The following ZNF445 variants were observed in gnomAD, a reference collection of about 807,000 sequenced individuals.
The protein encoded by ZNF445 is zinc finger protein 445.
A neutral mutation model predicts 93.9 loss-of-function variants in ZNF445; 19 were observed. The ratio of observed to expected loss-of-function variants is 0.20; its 90% confidence interval spans 0.14 to 0.30. The LOEUF is 0.30. Ranked by LOEUF, ZNF445 falls within the 10% of genes least tolerant of loss-of-function variation. ZNF445 has a pLI of 1.00. For missense variants in ZNF445, 1,058 were observed against 1,259.4 expected (o/e 0.84, Z 2.42); for synonymous variants, 449 against 446.3 (o/e 1.01, Z -0.08).
chr3:44,447,747 G>A lies in ZNF445; in HGVS notation c.1924C>T (p.Arg642Cys), dbSNP rs1052563515. Residue 642 changes from arginine (R) to cysteine (C), a missense_variant, in exon 8 of 8, where the codon CGT (arginine) becomes TGT (cysteine). Coordinates refer to ENST00000396077, the MANE Select transcript of ZNF445 (RefSeq NM_181489.6). This position sits in a 1 kb window ranked among gnomAD's most constrained non-coding sequence, Gnocchi z 4.7. ...TCCTCCTCATGCAACCTCATATGACGAGTAAAGTTTGATCTCCATCTAAAG... is the reference window on the plus strand; with the variant it reads ...TCCTCCTCATGCAACCTCATATGACAAGTAAAGTTTGATCTCCATCTAAAG... ...KTFRWRSNFT[R>C]HMRLHEEEKF... 4 of 1,614,144 alleles carry A rather than the reference G, an allele frequency of 2.5e-6. No homozygotes were observed. Among genetic ancestry groups the A allele is most frequent in the Non-Finnish European group, 3.4e-6 (4 of 1,180,042 alleles).
intron 1 of ZNF445, among the ~76,000 whole-genome samples, chr3:44,462,687 A>T (rs1348288313): frequency 6.6e-6 from 1 of 152,130 alleles, no homozygotes; most frequent in Non-Finnish European, 1.5e-5. Flanking sequence ...AAAAAAGAAA[A>T]AAAAAAGAAA....
chr3:44,455,300 G>A lies in ZNF445; in HGVS notation c.250C>T (p.Leu84=), dbSNP rs528472951. 5 of 1,614,120 alleles carry A rather than the reference G, an allele frequency of 3.1e-6. No individual in the cohort carries two copies. The African/African-American group carries it at 5.3e-5, about 17-fold the overall frequency. ...SRLRELCRWW[L]RPDVLSKAQI... ...GCCTTGGAGAGAACGTCAGGCCTCA[G>A]CCACCAGCGACAGAGTTCCCGGAGC... Residue 84 remains leucine (L), a synonymous_variant, in exon 3 of 8, where the codon CTG becomes TTG. Transcript: ENST00000396077.
intron 2 of ZNF445, among the ~76,000 whole-genome samples, chr3:44,456,672 T>C (rs1436631539): frequency 6.6e-6 from 1 of 152,202 alleles, no homozygotes; most frequent in Admixed American, 6.5e-5. Context: ...TATTATAATA[T>C]TTTAAAATAT....
Position 44,436,833 on chromosome 3 carries a change from TCTG to T in ZNF445, c.*9739_*9741del, listed in dbSNP as rs958917619. 10 of 152,212 alleles carry T rather than the reference TCTG, an allele frequency of 6.6e-5. No homozygotes were observed. The highest frequency in any genetic ancestry group is 1.5e-5 in the Non-Finnish European group (1 of 68,046). 9.4% of individuals were successfully genotyped at this position (152,212 alleles called of 1,614,324 possible). On this transcript the variant is annotated 3_prime_UTR_variant, in exon 8 of 8. Transcript: ENST00000396077. ...AAGTTAAAACAATGAACCACAAATC[TCTG>T]CTTAATTATCCCATATCGAATAATT...
chr3:44,456,675 T>A lies in ZNF445; in HGVS notation c.-147-979A>T, dbSNP rs553575380. Among the ~76,000 whole-genome samples, 8 of 152,300 alleles carry A rather than the reference T, an allele frequency of 5.3e-5. No homozygotes were observed. In the South Asian group the frequency reaches 1.5e-3, roughly 28 times the overall value. On this transcript the variant is annotated intron_variant, in intron 2 of 7. Transcript: ENST00000396077. ...ATGTGATTTTGCTATTATAATATTT[T>A]AAAATATCTCAAATGAGCAATTCAA...
Position 44,444,238 on chromosome 3 carries a change from G to A in ZNF445, c.*2337C>T, listed in dbSNP as rs1697850880. On this transcript the variant is annotated 3_prime_UTR_variant, in exon 8 of 8. Coordinates refer to ENST00000396077, the MANE Select transcript of ZNF445 (RefSeq NM_181489.6). ...AGATGGGGGGAAAGGGGTGCTAAAAGTTTGATTGGAAAGGGACTTTTCCAT... is the reference window on the plus strand; with the variant it reads ...AGATGGGGGGAAAGGGGTGCTAAAAATTTGATTGGAAAGGGACTTTTCCAT... 6.6e-6 allele frequency: 1 copy of A among 152,250 alleles called. No individual in the cohort carries two copies. The highest frequency in any genetic ancestry group is 2.1e-4 in the South Asian group (1 of 4,830). 9.4% of individuals were successfully genotyped at this position (152,250 alleles called of 1,614,324 possible). A position where few individuals can be genotyped will look rare whatever the true frequency, so the allele number is the denominator to read the frequency against.
chr3:44,472,074 G>A (rs1698277337), intron 1 of ZNF445, among the ~76,000 whole-genome samples: 1 of 152,100 alleles, frequency 6.6e-6, no homozygotes, highest in African/African-American at 2.4e-5. Context: ...GGCCAAACTT[G>A]CAGAACAGAC....
rs770825316 is a variant in ZNF445 at position 44,448,191 on chromosome 3, A to AAGT, written c.1477_1479dup (p.Thr493dup). 6.2e-7 allele frequency: 1 copy of AAGT among 1,614,134 alleles called. No individual in the cohort carries two copies. Among genetic ancestry groups the AAGT allele is most frequent in the East Asian group, 2.2e-5 (1 of 44,880 alleles). On this transcript the variant is annotated inframe_insertion, in exon 8 of 8. Coordinates refer to ENST00000396077, the MANE Select transcript of ZNF445 (RefSeq NM_181489.6). ...TACGCAAGATGGGAGCTATGACTGA[A>AAGT]AGTCCTTCCACAGTCACTGCACTTA...
chr3:44,469,489 C>T (rs1370547025), intron 1 of ZNF445, among the ~76,000 whole-genome samples: 1 of 152,150 alleles, frequency 6.6e-6, no homozygotes, highest in Non-Finnish European at 1.5e-5. Context: ...ACAAAGGAGG[C>T]CTGGCATGGT....
rs1697910035 is a variant in ZNF445, at chr3:44,448,422, A to G, written c.1249T>C (p.Cys417Arg). ...GAACTCATTCTGAAGTGTTTGCCAC[A>G]GCCATGTTTAAGGGATTCCTTTCTT... Reference protein sequence around the residue: ...SGRKESLKHGCGKHFRMSSHH... With the variant: ...SGRKESLKHGRGKHFRMSSHH... Residue 417 changes from cysteine (C) to arginine (R), a missense_variant, in exon 8 of 8, where the codon TGT becomes CGT. By Grantham distance (180) the Cys-to-Arg change is radical (BLOSUM62 -3). Transcript: ENST00000396077. 1 of 1,614,184 alleles carries G rather than the reference A, an allele frequency of 6.2e-7. No individual in the cohort carries two copies. Among genetic ancestry groups the G allele is most frequent in the African/African-American group, 1.3e-5 (1 of 75,062 alleles).
At chr3:44,468,045 T>C (rs1698217020) in intron 1 of ZNF445, among the ~76,000 whole-genome samples, 1 of 152,352 alleles carries the variant, frequency 6.6e-6, no homozygotes, top group South Asian at 2.1e-4. Context: ...ATGAAAATAC[T>C]AATGTTCTAG....
intron 1 of ZNF445, among the ~76,000 whole-genome samples, chr3:44,465,190 G>A (rs1481634657): frequency 6.6e-6 from 1 of 152,122 alleles, no homozygotes; most frequent in Admixed American, 6.6e-5. Context: ...CATACAAGGT[G>A]TGTAGGAAAT....
chr3:44,455,643 A>G lies in ZNF445; in HGVS notation c.-94T>C. The G allele has an allele frequency of 8.2e-6, 10 of 1,223,138 alleles. No homozygotes were observed. The highest frequency in any genetic ancestry group is 1.1e-5 in the Non-Finnish European group (10 of 891,332). The allele number at this position is 1,223,138 out of a possible 1,614,324, so 75.8% of individuals were successfully genotyped here. A position where few individuals can be genotyped will look rare whatever the true frequency, so the allele number is the denominator to read the frequency against. On this transcript the variant is annotated 5_prime_UTR_variant, in exon 3 of 8. Transcript: ENST00000396077. The stretch of plus-strand genomic sequence containing the variant: ...ATCTTCTCAGCAGTCAACAATGCCA[A>G]CATTTGCTGGGACATCAGAAGTCAT...
In ZNF445 at chr3:44,449,608, T is replaced by G. The variant is rs757461826; in HGVS notation, c.836A>C (p.Lys279Thr). ...NMASLVGPFT[K>T]PALISWLEAR... ...TTCCAACCAGGAGATCAGAGCAGGT[T>G]TGGTGAATGGTCCCACTGCAGAAGA... is the stretch of plus-strand genomic sequence containing the variant. The change falls in exon 7 of 8, where the codon AAA (lysine) becomes ACA (threonine). Residue 279 changes from lysine to threonine, a missense_variant. By Grantham distance (78) the Lys-to-Thr change is moderately conservative. This residue lies in a region of ZNF445 where 657 missense variants were observed against 746.4 expected (regional missense o/e 0.88). Transcript: ENST00000396077. 3.7e-6 allele frequency: 6 copies of G among 1,614,004 alleles called. No individual in the cohort carries two copies. Among genetic ancestry groups the G allele is most frequent in the South Asian group, 2.2e-5 (2 of 91,076 alleles).
intron 6 of ZNF445, 32 bp from the exon 7 acceptor site, chr3:44,449,655 G>C: frequency 6.4e-7 from 1 of 1,552,912 alleles, no homozygotes; most frequent in South Asian, 1.1e-5. Context: ...CATGAGAAGG[G>C]AGATGGATGA....
chr3:44,464,463 T>C (rs1183410332), intron 1 of ZNF445, among the ~76,000 whole-genome samples: 1 of 152,222 alleles, frequency 6.6e-6, no homozygotes, highest in Non-Finnish European at 1.5e-5. Context: ...AAAGTAAACG[T>C]TTAAATCAAA....
chr3:44,464,723 T>C (rs970125908), intron 1 of ZNF445, among the ~76,000 whole-genome samples: 121 of 152,306 alleles, frequency 7.9e-4, no homozygotes, highest in African/African-American at 2.9e-3. Context: ...TGGAGAGCCA[T>C]GCCCGTTGGC....
rs745836886 is a variant in ZNF445, at chr3:44,445,579, C to G, written c.*996G>C. 1 of 152,476 alleles carries G rather than the reference C, an allele frequency of 6.6e-6. No individual in the cohort carries two copies. Among genetic ancestry groups the G allele is most frequent in the Non-Finnish European group, 1.5e-5 (1 of 68,240 alleles). 9.4% of individuals were successfully genotyped at this position (152,476 alleles called of 1,614,324 possible). A position where few individuals can be genotyped will look rare whatever the true frequency, so the allele number is the denominator to read the frequency against. The stretch of plus-strand genomic sequence containing the variant: ...GAGGACACCAGTCAAGACCCAATCT[C>G]CTCTGCCTGCAACTCTCCCTAGAGA... On this transcript the variant is annotated 3_prime_UTR_variant, in exon 8 of 8. Coordinates refer to ENST00000396077, the MANE Select transcript of ZNF445 (RefSeq NM_181489.6).
chr3:44,462,489 G>T (rs987938236), intron 1 of ZNF445, among the ~76,000 whole-genome samples: 2 of 152,146 alleles, frequency 1.3e-5, no homozygotes, highest in African/African-American at 4.8e-5. Flanking sequence ...CAGTAGCTAA[G>T]GCTTTGCTTT....
Sources: allele counts gnomAD v4.1 joint callset (sites outside exome capture counted in the v4.1 genomes callset), GRCh38; gene constraint gnomAD v4.1.1; regional missense constraint gnomAD v4.1.1; non-coding constraint Gnocchi (gnomAD v3.1); transcripts MANE v1.5; gene names NCBI Gene and HGNC (gene_info 2026-07-23, HGNC 2026-07-21).